The following MCTP2 variants were observed in gnomAD, a reference collection of about 807,000 sequenced individuals.
MCTP2 encodes the protein multiple C2 and transmembrane domain-containing protein 2.
MCTP2 carries 132 observed loss-of-function variants against 111.6 expected under a neutral mutation model. That is an observed-to-expected ratio of 1.18 (90% CI 1.03 to 1.37). MCTP2 has a LOEUF of 1.37. MCTP2 is among the 40% of genes most tolerant of loss of function. The probability of loss-of-function intolerance (pLI) is 0.00; values close to 1 mark genes in which losing one functional copy is unlikely to be tolerated. For synonymous variants in MCTP2, 395 were observed against 387.7 expected (o/e 1.02, Z -0.22); for missense variants, 1,183 against 1,067.9 (o/e 1.11, Z -1.50).
intron 1 of MCTP2, among the ~76,000 whole-genome samples, chr15:94,278,453 C>G (rs1479900000): frequency 6.6e-6 from 1 of 152,006 alleles, no homozygotes; most frequent in Admixed American, 6.6e-5. Context: ...GAAATATCAC[C>G]CCCATCTAAA....
intron 1 of MCTP2, among the ~76,000 whole-genome samples, chr15:94,243,411 AT>A: frequency 6.7e-6 from 1 of 148,894 alleles, no homozygotes; most frequent in African/African-American, 2.5e-5. Context: ...ATGTACATAC[AT>A]ACGTATGCGT....
chr15:94,283,021 G>A (rs1046514736), intron 1 of MCTP2, among the ~76,000 whole-genome samples: 2 of 152,124 alleles, frequency 1.3e-5, no homozygotes, highest in Non-Finnish European at 2.9e-5. Flanking sequence ...TGTGTGCACT[G>A]GTGAGGCAGT....
chr15:94,325,209 G>A (rs62016094), intron 4 of MCTP2, among the ~76,000 whole-genome samples: 19,015 of 152,168 alleles, frequency 0.12, 1,412 homozygotes, highest in African/African-American at 0.18. Flanking sequence ...CCATGAGCCT[G>A]CTAGGCTTGC....
chr15:94,465,115 G>C (rs1362233532), intron 20 of MCTP2, among the ~76,000 whole-genome samples: 1 of 151,958 alleles, frequency 6.6e-6, no homozygotes, highest in Non-Finnish European at 1.5e-5. Context: ...TCTATATTTT[G>C]AAGCTACATT....
chr15:94,326,200 T>G (rs942548232), intron 4 of MCTP2, among the ~76,000 whole-genome samples: 3 of 152,150 alleles, frequency 2.0e-5, no homozygotes, highest in African/African-American at 7.2e-5. Flanking sequence ...TGGTGTTTTC[T>G]CTCTACACAT....
chr15:94,479,739 A>C lies in MCTP2; in HGVS notation c.*705A>C, dbSNP rs1442397851. The C allele has an allele frequency of 6.6e-6, 1 of 151,998 alleles. No individual in the cohort carries two copies. Among genetic ancestry groups the C allele is most frequent in the Non-Finnish European group, 1.5e-5 (1 of 67,984 alleles). 9.4% of individuals were successfully genotyped at this position (151,998 alleles called of 1,614,324 possible). A position where few individuals can be genotyped will look rare whatever the true frequency, so the allele number is the denominator to read the frequency against. On this transcript the variant is annotated 3_prime_UTR_variant, in exon 23 of 23. Coordinates refer to ENST00000357742, the MANE Select transcript of MCTP2 (RefSeq NM_001385001.1). ...CACTTGAAAAATGAGGGTCCCATGA[A>C]AGTATTTGGTTGCCTTCTGATGCCA...
chr15:94,427,417 C>T (rs1171630378), intron 17 of MCTP2, among the ~76,000 whole-genome samples: 1 of 152,066 alleles, frequency 6.6e-6, no homozygotes, highest in Non-Finnish European at 1.5e-5. Context: ...ACTGGGAGGC[C>T]TCAGGAAACT....
At chr15:94,370,045 T>C in intron 11 of MCTP2, 42 bp from the exon 12 acceptor site, 1 of 1,420,418 alleles carries the variant, frequency 7.0e-7, no homozygotes. Context: ...AAGTAGTATA[T>C]TAAAAAGCTG....
intron 1 of MCTP2, among the ~76,000 whole-genome samples, chr15:94,293,430 C>T (rs1007887198): frequency 6.6e-5 from 10 of 152,148 alleles, no homozygotes; most frequent in African/African-American, 2.4e-4. Context: ...GATAAAAAGA[C>T]AGGAAATGCA....
At chr15:94,403,248 A>G in intron 17 of MCTP2, 5 of 984,726 alleles carry the variant, frequency 5.1e-6, no homozygotes, top group Non-Finnish European at 6.0e-6. Flanking sequence ...ACACTAATAA[A>G]GGTTTTATTA....
intron 10 of MCTP2, among the ~76,000 whole-genome samples, chr15:94,367,127 CA>C (rs1159757866): frequency 1.3e-5 from 2 of 152,170 alleles, no homozygotes; most frequent in African/African-American, 4.8e-5. Flanking sequence ...TGGCATTAAT[CA>C]GGAAGAAAAC....
chr15:94,384,857 A>G (rs2080365456), intron 13 of MCTP2, among the ~76,000 whole-genome samples: 1 of 152,174 alleles, frequency 6.6e-6, no homozygotes, highest in African/African-American at 2.4e-5. Flanking sequence ...GCCAGATATA[A>G]GAGTCTCTTG....
At chr15:94,363,326 G>A (rs906215683) in intron 10 of MCTP2, among the ~76,000 whole-genome samples, 3 of 152,166 alleles carry the variant, frequency 2.0e-5, no homozygotes, top group Non-Finnish European at 4.4e-5. Context: ...GGCAGTGGCA[G>A]TAGGTGGAAT....
At chr15:94,240,670 G>A (rs1427538752) in intron 1 of MCTP2, among the ~76,000 whole-genome samples, 1 of 152,094 alleles carries the variant, frequency 6.6e-6, no homozygotes, top group Non-Finnish European at 1.5e-5. Context: ...TCATTTAAGA[G>A]CAATTTCCTG....
At chr15:94,354,893 T>C (rs939957177) in intron 8 of MCTP2, among the ~76,000 whole-genome samples, 3 of 152,166 alleles carry the variant, frequency 2.0e-5, no homozygotes, top group African/African-American at 2.4e-5. Context: ...CTGGAAGATA[T>C]AGCGAGCGAT....
intron 14 of MCTP2, among the ~76,000 whole-genome samples, chr15:94,396,996 A>G (rs1042993309): frequency 1.3e-5 from 2 of 152,238 alleles, no homozygotes; most frequent in Admixed American, 1.3e-4. Context: ...AAATCTCAAT[A>G]AAATTTAGAA....
At chr15:94,301,188 C>T (rs374840663) in intron 2 of MCTP2, among the ~76,000 whole-genome samples, 76 of 152,224 alleles carry the variant, frequency 5.0e-4, no homozygotes, top group African/African-American at 1.8e-3. Flanking sequence ...CTGATTCTAC[C>T]GTTCAGGGTT....
Position 94,393,256 on chromosome 15 carries a change from A to C in MCTP2, c.1789-5705A>C, listed in dbSNP as rs542838008. ...AGAATCCAAGACTGTAACACAAAACAAAACAAAAAATGATAATGTCTAAGA... is the reference window on the plus strand; with the variant it reads ...AGAATCCAAGACTGTAACACAAAACCAAACAAAAAATGATAATGTCTAAGA... On this transcript the variant is annotated intron_variant, in intron 14 of 22. Transcript: ENST00000357742. 2.8e-3 allele frequency among the ~76,000 whole-genome samples: 421 copies of C among 152,334 alleles called. 3 individuals carry two copies. The highest frequency in any genetic ancestry group is 0.01 in the Middle Eastern group (3 of 294).
At chr15:94,445,987 G>A (rs1043576594) in intron 19 of MCTP2, among the ~76,000 whole-genome samples, 4 of 152,214 alleles carry the variant, frequency 2.6e-5, no homozygotes, top group African/African-American at 9.7e-5. Context: ...GCTTTGCCAT[G>A]TTCTGCCTGT....
Sources: allele counts gnomAD v4.1 joint callset (sites outside exome capture counted in the v4.1 genomes callset), GRCh38; gene constraint gnomAD v4.1.1; transcripts MANE v1.5; gene names NCBI Gene and HGNC (gene_info 2026-07-23, HGNC 2026-07-21).